Variants in FLT1 observed in about 807,000 individuals in gnomAD.
The protein encoded by FLT1 is fms related receptor tyrosine kinase 1, also known as vascular endothelial growth factor receptor 1.
In FLT1, 49 loss-of-function variants were observed where a neutral mutation model predicts 156.3. That is an observed-to-expected ratio of 0.31 (90% CI 0.25 to 0.40). The LOEUF (loss-of-function observed/expected upper bound fraction) is 0.40. FLT1 is among the 10% of genes least tolerant of loss of function. FLT1 has a pLI of 1.00. For synonymous variants in FLT1, 594 were observed against 583.8 expected (o/e 1.02, Z -0.25); for missense variants, 1,322 against 1,637.2 (o/e 0.81, Z 3.32).
At chr13:28,318,885 A>G (rs1871317888) in intron 24 of FLT1, among the ~76,000 whole-genome samples, 1 of 152,226 alleles carries the variant, frequency 6.6e-6, no homozygotes, top group South Asian at 2.1e-4. Flanking sequence ...AGCAGAATAA[A>G]TACAACCAGT....
chr13:28,422,901 C>G (rs1187908576), intron 10 of FLT1, among the ~76,000 whole-genome samples: 1 of 152,206 alleles, frequency 6.6e-6, no homozygotes, highest in African/African-American at 2.4e-5. Flanking sequence ...CCTTTCCATT[C>G]CACAGAGAAG....
In FLT1 at chr13:28,391,056, T is replaced by C. The variant is rs145681950; in HGVS notation, c.1661-952A>G. 3.7e-4 allele frequency among the ~76,000 whole-genome samples: 57 copies of C among 152,292 alleles called. No homozygotes were observed. The East Asian group carries it at 9.3e-3, about 25-fold the overall frequency. On this transcript the variant is annotated intron_variant, in intron 12 of 29. Transcript: ENST00000282397. ...TCAGGACTTCTTTTATGGGGATGGT[T>C]CTATTCAGACCTGAGAGAGCAAAGA...
intron 14 of FLT1, among the ~76,000 whole-genome samples, chr13:28,362,824 C>T (rs1873158734): frequency 6.6e-6 from 1 of 152,036 alleles, no homozygotes. Flanking sequence ...TCTTTCTAGC[C>T]CAAGGAGGAG....
chr13:28,490,853 A>G (rs1881432481), intron 1 of FLT1, among the ~76,000 whole-genome samples: 1 of 152,170 alleles, frequency 6.6e-6, no homozygotes, highest in Admixed American at 6.5e-5. Flanking sequence ...TTGATACCCA[A>G]CACACCCCTA....
At chr13:28,342,838 T>C (rs528586872) in intron 16 of FLT1, among the ~76,000 whole-genome samples, 1 of 152,364 alleles carries the variant, frequency 6.6e-6, no homozygotes, top group East Asian at 1.9e-4. Flanking sequence ...GGCTAATCTC[T>C]AGAAATTGAG....
intron 3 of FLT1, among the ~76,000 whole-genome samples, chr13:28,463,337 C>T (rs967404635): frequency 4.6e-5 from 7 of 152,162 alleles, no homozygotes; most frequent in South Asian, 2.1e-4. Context: ...GTGGGAACAG[C>T]GCCTGTTACA....
At position 28,425,009 on chromosome 13, in the gene FLT1, G is replaced by A. The variant is rs1303127015; in HGVS notation, c.1436+2150C>T. Among the ~76,000 whole-genome samples the A allele has an allele frequency of 3.3e-5, 5 of 152,188 alleles. No homozygotes were observed. In the South Asian group the frequency reaches 8.3e-4, roughly 25 times the overall value. ...TTTAGCTTCATCTCTCTGAGAGGGTGAAAGAGTGGTTCTGTTTATTTTCTG... is the reference window on the plus strand; with the variant it reads ...TTTAGCTTCATCTCTCTGAGAGGGTAAAAGAGTGGTTCTGTTTATTTTCTG... On this transcript the variant is annotated intron_variant, in intron 10 of 29. Transcript: ENST00000282397.
intron 11 of FLT1, among the ~76,000 whole-genome samples, chr13:28,401,852 G>T (rs968857411): frequency 1.3e-5 from 2 of 152,196 alleles, no homozygotes; most frequent in African/African-American, 2.4e-5. Flanking sequence ...CACTCAGAAG[G>T]ATTTCAATGG....
chr13:28,484,043 C>T (rs546104129), intron 1 of FLT1, among the ~76,000 whole-genome samples: 1 of 152,316 alleles, frequency 6.6e-6, no homozygotes, highest in African/African-American at 2.4e-5. Flanking sequence ...ATCCATAAAA[C>T]AAAGTTACAG....
chr13:28,456,826 A>G, intron 3 of FLT1, among the ~76,000 whole-genome samples: 1 of 151,932 alleles, frequency 6.6e-6, no homozygotes, highest in East Asian at 1.9e-4. Flanking sequence ...AAATAAGGAT[A>G]GGTGTTTGCC....
In FLT1 at chr13:28,372,076, A is replaced by ATAT. The variant is rs1257431752; in HGVS notation, c.2116+12808_2116+12809insATA. On this transcript the variant is annotated intron_variant, in intron 14 of 29. Coordinates refer to ENST00000282397, the MANE Select transcript of FLT1 (RefSeq NM_002019.4). Reference sequence around the variant, plus strand: ...TATATATATATATATATATATATATATTTTTTTTTTTTTTTTTTTTTTTGA... The same window carrying ATAT: ...TATATATATATATATATATATATATATATTTTTTTTTTTTTTTTTTTTTTTTGA... 4.2e-4 allele frequency among the ~76,000 whole-genome samples: 5 copies of ATAT among 11,766 alleles called. 1 individual carries two copies. Among genetic ancestry groups the ATAT allele is most frequent in the African/African-American group, 1.6e-3 (5 of 3,152 alleles). 7.7% of individuals were successfully genotyped at this position (11,766 alleles called of 152,430 possible). A position where few individuals can be genotyped will look rare whatever the true frequency, so the allele number is the denominator to read the frequency against.
At chr13:28,424,691 C>T (rs1178699227) in intron 10 of FLT1, among the ~76,000 whole-genome samples, 1 of 152,164 alleles carries the variant, frequency 6.6e-6, no homozygotes, top group Non-Finnish European at 1.5e-5. Flanking sequence ...TACATAGATA[C>T]GCCCTTTCAC....
intron 3 of FLT1, among the ~76,000 whole-genome samples, chr13:28,440,940 T>A (rs1878303521): frequency 6.6e-6 from 1 of 152,002 alleles, no homozygotes; most frequent in Non-Finnish European, 1.5e-5. Flanking sequence ...CTCCCAAGAA[T>A]GTCAGGTGAC....
intron 10 of FLT1, among the ~76,000 whole-genome samples, chr13:28,414,021 C>A (rs1317208809): frequency 6.6e-6 from 1 of 152,214 alleles, no homozygotes; most frequent in African/African-American, 2.4e-5. Context: ...CACCAGCCCA[C>A]AAAATCACTT....
At chr13:28,355,641 G>T (rs1872872043) in intron 15 of FLT1, among the ~76,000 whole-genome samples, 1 of 152,198 alleles carries the variant, frequency 6.6e-6, no homozygotes, top group South Asian at 2.1e-4. Context: ...CTGGAATAGG[G>T]AATGGAGCCT....
chr13:28,412,234 T>C (rs1001318169), intron 10 of FLT1, among the ~76,000 whole-genome samples: 3 of 152,202 alleles, frequency 2.0e-5, no homozygotes, highest in Non-Finnish European at 4.4e-5. Flanking sequence ...ACATTAGCGA[T>C]TGTGTGTCTG....
At chr13:28,478,691 A>G (rs1349696343) in intron 1 of FLT1, among the ~76,000 whole-genome samples, 11 of 152,238 alleles carry the variant, frequency 7.2e-5, no homozygotes, top group African/African-American at 2.7e-4. Flanking sequence ...TTAAACTACC[A>G]TAAAATGCAT....
At chr13:28,337,404 G>C (rs1462823548) in intron 17 of FLT1, among the ~76,000 whole-genome samples, 1 of 152,082 alleles carries the variant, frequency 6.6e-6, no homozygotes, top group African/African-American at 2.4e-5. Context: ...GACATAATCT[G>C]GGTTATTTTC....
In FLT1 at chr13:28,302,248, C is replaced by T. The variant is rs1273174548; in HGVS notation, c.*919G>A. 8.6e-6 allele frequency: 2 copies of T among 233,098 alleles called. No individual in the cohort carries two copies. The highest frequency in any genetic ancestry group is 1.8e-4 in the South Asian group (1 of 5,522). The allele number at this position is 233,098 out of a possible 1,614,324, so 14.4% of individuals were successfully genotyped here. On this transcript the variant is annotated 3_prime_UTR_variant, in exon 30 of 30. Transcript: ENST00000282397. ...TAAGTGTCTGGACTATATATTAATA[C>T]CCAAAATAGAATGTGACATTTTCAG...
Sources: gnomAD v4.1 joint callset for allele counts (sites outside exome capture counted in the v4.1 genomes callset) on GRCh38, gnomAD v4.1.1 for gene constraint, MANE v1.5 for transcripts, NCBI Gene and HGNC (gene_info 2026-07-23, HGNC 2026-07-21) for gene names.